Variants in NLRP13 observed in about 807,000 individuals in gnomAD.
NLRP13 encodes NLR family pyrin domain containing 13, also known as NACHT, LRR and PYD domains-containing protein 13.
Under a neutral mutation model 94.4 loss-of-function variants are expected in NLRP13, and 82 were observed. That is an observed-to-expected ratio of 0.87 (90% CI 0.73 to 1.04). The LOEUF (loss-of-function observed/expected upper bound fraction) is 1.04. Ranked by LOEUF, NLRP13 falls within the 50% of genes least tolerant of loss-of-function variation. The pLI, the probability that NLRP13 is intolerant of heterozygous loss-of-function variation, is 0.00. For synonymous variants in NLRP13, 553 were observed against 464.7 expected (o/e 1.19, Z -2.45); for missense variants, 1,426 against 1,230.8 (o/e 1.16, Z -2.37).
In NLRP13 at chr19:55,910,750, C is replaced by A. The variant is rs776494327; in HGVS notation, c.2112-17G>T. The A allele has an allele frequency of 4.9e-5, 78 of 1,588,500 alleles. No homozygotes were observed. The highest frequency in any genetic ancestry group is 6.6e-5 in the Non-Finnish European group (77 of 1,161,402). Reference sequence around the variant, plus strand: ...TTGCTTGTCCTTCATGAGGGAGAGACAGAACACGGATAAGAGCAAATTAGC... The same window carrying A: ...TTGCTTGTCCTTCATGAGGGAGAGAAAGAACACGGATAAGAGCAAATTAGC... On this transcript the variant is annotated splice_polypyrimidine_tract_variant and intron_variant, in intron 5 of 10. Transcript: ENST00000342929.
chr19:55,898,356 C>T (rs552537029), intron 10 of NLRP13, among the ~76,000 whole-genome samples: 1 of 151,960 alleles, frequency 6.6e-6, no homozygotes, highest in African/African-American at 2.4e-5. Context: ...ACTACAGATG[C>T]CCACCTATAC....
intron 4 of NLRP13, among the ~76,000 whole-genome samples, chr19:55,921,313 T>A (rs1008660088): frequency 1.3e-5 from 2 of 152,022 alleles, no homozygotes; most frequent in African/African-American, 2.4e-5. Context: ...GAATTTTTAT[T>A]GATACTTGGA....
intron 1 of NLRP13, among the ~76,000 whole-genome samples, chr19:55,930,889 T>TAC (rs1987105335): frequency 6.5e-5 from 8 of 122,986 alleles, no homozygotes; most frequent in African/African-American, 2.5e-4. Flanking sequence ...TATATATATA[T>TAC]ATATATATAA....
chr19:55,900,581 C>A (rs1986138691), intron 9 of NLRP13, among the ~76,000 whole-genome samples: 1 of 150,156 alleles, frequency 6.7e-6, no homozygotes, highest in Non-Finnish European at 1.5e-5. Flanking sequence ...ACCATCCTGG[C>A]TAACATGGTG....
intron 10 of NLRP13, among the ~76,000 whole-genome samples, chr19:55,896,679 G>C (rs1479202309): frequency 6.6e-6 from 1 of 151,636 alleles, no homozygotes; most frequent in African/African-American, 2.4e-5. Flanking sequence ...AATTAGCCAG[G>C]CGTGGTGGTG....
rs1279875352 is a variant in NLRP13, at chr19:55,912,850, AGC to A, written c.965_966del (p.Arg322LeufsTer2). 1 of 1,614,198 alleles carries A rather than the reference AGC, an allele frequency of 6.2e-7. No homozygotes were observed. The highest frequency in any genetic ancestry group is 1.7e-5 in the Admixed American group (1 of 60,018). ...GFEEIIISESRSESLDDGSPC... is the reference protein window; with the variant it reads ...GFEEIIISESXSESLDDGSPC... ...GGCGAGCCATCATCCAAGCTCTCAG[AGC>A]GTGACTCAGATATGATTATTTCCTC... On this transcript the variant is annotated frameshift_variant, in exon 5 of 11. Coordinates refer to ENST00000342929, the MANE Select transcript of NLRP13 (RefSeq NM_176810.2). LOFTEE classifies it high-confidence loss of function.
At chr19:55,922,580 C>T (rs1207875262) in intron 4 of NLRP13, among the ~76,000 whole-genome samples, 2 of 152,236 alleles carry the variant, frequency 1.3e-5, no homozygotes, top group Non-Finnish European at 2.9e-5. Context: ...CCTACCTCAA[C>T]CTCCCCAAGT....
Position 55,913,274 on chromosome 19 carries a change from T to C in NLRP13, c.543A>G (p.Arg181=), listed in dbSNP as rs1245166517. The change falls in exon 5 of 11, where the codon AGA becomes AGG. Residue 181 remains arginine (R), a synonymous_variant. Transcript: ENST00000342929. ...CCAGTAGTTCAGCCTTCATGTTCTC[T>C]CTGTATTTTCTTCTGTGGTCTAGAG... The part of the protein sequence containing the change: ...LEEADHRRKY[R]ENMKAELLET... 6.2e-7 allele frequency: 1 copy of C among 1,613,936 alleles called. No homozygotes were observed. Among genetic ancestry groups the C allele is most frequent in the Non-Finnish European group, 8.5e-7 (1 of 1,179,924 alleles).
chr19:55,892,782 T>C (rs1985893453), downstream of NLRP13, among the ~76,000 whole-genome samples: 1 of 152,160 alleles, frequency 6.6e-6, no homozygotes, highest in Non-Finnish European at 1.5e-5. Flanking sequence ...TGAGAACATG[T>C]GGTATGTGGT....
intron 1 of NLRP13, among the ~76,000 whole-genome samples, chr19:55,928,134 TC>T (rs1987015781): frequency 6.6e-6 from 1 of 152,122 alleles, no homozygotes. Context: ...AGAGGTATCT[TC>T]CCCATGACCC....
At chr19:55,924,462 T>A (rs1435586789) in intron 3 of NLRP13, 128 bp downstream of exon 3, 5 of 683,552 alleles carry the variant, frequency 7.3e-6, no homozygotes, top group Non-Finnish European at 1.3e-5. Flanking sequence ...AAGAACTAGA[T>A]GGAAAGAGTT....
intron 4 of NLRP13, among the ~76,000 whole-genome samples, chr19:55,919,536 T>G (rs1237693450): frequency 6.6e-6 from 1 of 151,920 alleles, no homozygotes; most frequent in Non-Finnish European, 1.5e-5. Context: ...AATAAAGCAA[T>G]GTACAAATAT....
chr19:55,926,528 C>T (rs1326690972), intron 1 of NLRP13, among the ~76,000 whole-genome samples: 1 of 152,122 alleles, frequency 6.6e-6, no homozygotes, highest in Non-Finnish European at 1.5e-5. Flanking sequence ...TTTTAGGTAA[C>T]CAGCCTACCC....
At chr19:55,896,913 C>A (rs1986033027) in intron 10 of NLRP13, among the ~76,000 whole-genome samples, 1 of 151,514 alleles carries the variant, frequency 6.6e-6, no homozygotes, top group South Asian at 2.1e-4. Context: ...CTCATCTAAC[C>A]CATCTATCAA....
chr19:55,896,193 T>C, intron 10 of NLRP13, 74 bp from the exon 11 acceptor site: 1 of 1,517,826 alleles, frequency 6.6e-7, no homozygotes, highest in South Asian at 1.2e-5. Context: ...ATACCACATC[T>C]GCAGGAAAAA....
chr19:55,931,739 A>AAAGAAAGAAAGAAAGAAAGC (rs1987150655), intron 1 of NLRP13, among the ~76,000 whole-genome samples: 1 of 146,920 alleles, frequency 6.8e-6, no homozygotes, highest in Non-Finnish European at 1.5e-5. Context: ...AGAAAGAAAG[A>AAAGAAAGAAAGAAAGAAAGC]AAGAAAAAGG....
intron 8 of NLRP13, among the ~76,000 whole-genome samples, chr19:55,903,376 T>C (rs546033168): frequency 1.3e-5 from 2 of 152,258 alleles, no homozygotes; most frequent in East Asian, 3.9e-4. Context: ...TCTGTGCTTT[T>C]TATACTCACC....
chr19:55,930,898 A>AT, intron 1 of NLRP13, among the ~76,000 whole-genome samples: 15,113 of 103,504 alleles, frequency 0.15, 1,339 homozygotes, highest in South Asian at 0.2. Flanking sequence ...ATATATATAT[A>AT]AAATTTTAAC....
rs780524286 is a variant in NLRP13, at chr19:55,924,427, GTTA to G, written c.457+160_457+162del. On this transcript the variant is annotated intron_variant, in intron 3 of 10. Transcript: ENST00000342929. ...TATGAGCCGTTCTACTCAGCCGTAA[GTTA>G]TTATTTAATAAGAAATACTGGAAGA... Among the ~76,000 whole-genome samples, 17 of 152,256 alleles carry G rather than the reference GTTA, an allele frequency of 1.1e-4. No homozygotes were observed. The East Asian group carries it at 1.2e-3, about 10-fold the overall frequency.
Sources: gnomAD v4.1 joint callset for allele counts (sites outside exome capture counted in the v4.1 genomes callset) on GRCh38, gnomAD v4.1.1 for gene constraint, MANE v1.5 for transcripts, NCBI Gene and HGNC (gene_info 2026-07-23, HGNC 2026-07-21) for gene names.